The following SYT16 variants were observed in gnomAD, a reference collection of about 807,000 sequenced individuals.
The protein encoded by SYT16 is synaptotagmin-16.
SYT16 carries 42 observed loss-of-function variants against 61.4 expected under a neutral mutation model. The observed-to-expected ratio is 0.68, with a 90% confidence interval of 0.53 to 0.89. The LOEUF is 0.89. Among genes scored for constraint, SYT16 ranks in the 40% least tolerant of loss-of-function variants. The pLI is 0.00. For missense variants in SYT16, 804 were observed against 807.3 expected, an observed-to-expected ratio of 1.00 and a Z score of 0.05; for synonymous variants, 314 against 302.3, an observed-to-expected ratio of 1.04 and a Z score of -0.40.
intron 1 of SYT16, among the ~76,000 whole-genome samples, chr14:61,950,372 A>G (rs1051578228): frequency 6.6e-6 from 1 of 152,174 alleles, no homozygotes; most frequent in Non-Finnish European, 1.5e-5. Flanking sequence ...ATCAACACTC[A>G]TGCTTGCCAT....
intron 3 of SYT16, among the ~76,000 whole-genome samples, chr14:62,051,763 G>A (rs2055311744): frequency 6.6e-6 from 1 of 152,186 alleles, no homozygotes. Context: ...TTTTGGCTGG[G>A]CATGGTGGCT....
intron 1 of SYT16, among the ~76,000 whole-genome samples, chr14:61,875,947 G>C (rs1215432151): frequency 6.6e-6 from 1 of 152,208 alleles, no homozygotes; most frequent in Non-Finnish European, 1.5e-5. Flanking sequence ...TGTGGAAGGT[G>C]ACCACTGCCT....
rs551149441 is a variant in SYT16 at position 61,992,393 on chromosome 14, G to A, written c.-144-3483G>A. On this transcript the variant is annotated intron_variant, in intron 2 of 7. Transcript: ENST00000683842. ...TCTCATGGCGCGGCAGCATTATTGCGGACAGCTCAGACAGCTAGGTATTCA... is the reference window on the plus strand; with the variant it reads ...TCTCATGGCGCGGCAGCATTATTGCAGACAGCTCAGACAGCTAGGTATTCA... Among the ~76,000 whole-genome samples, 21 of 152,176 alleles carry A rather than the reference G, an allele frequency of 1.4e-4. 1 individual carries two copies. Among genetic ancestry groups the A allele is most frequent in the Admixed American group, 1.3e-3 (20 of 15,274 alleles).
At chr14:61,845,022 T>C (rs1190856647) in intron 1 of SYT16, among the ~76,000 whole-genome samples, 1 of 151,490 alleles carries the variant, frequency 6.6e-6, no homozygotes, top group Non-Finnish European at 1.5e-5. Flanking sequence ...AGTTGCAAGC[T>C]TTTCTTTACT....
intron 1 of SYT16, chr14:61,865,298 C>T: frequency 5.3e-6 from 4 of 751,898 alleles, no homozygotes; most frequent in Non-Finnish European, 9.5e-6. Context: ...ACACATCCCT[C>T]TGAACGCAGG....
intron 3 of SYT16, among the ~76,000 whole-genome samples, chr14:62,043,891 T>G (rs1167440262): frequency 1.3e-5 from 2 of 152,036 alleles, no homozygotes; most frequent in African/African-American, 4.8e-5. Context: ...GAGGCTAGTT[T>G]AGAACTCCTG....
At chr14:62,092,377 T>C (rs941900437) in intron 7 of SYT16, among the ~76,000 whole-genome samples, 1 of 152,042 alleles carries the variant, frequency 6.6e-6, no homozygotes, top group African/African-American at 2.4e-5. Context: ...AATCCATTTG[T>C]GGGTATGTAC....
At chr14:62,081,909 G>T (rs2056721672) in intron 6 of SYT16, among the ~76,000 whole-genome samples, 1 of 152,166 alleles carries the variant, frequency 6.6e-6, no homozygotes, top group Non-Finnish European at 1.5e-5. Flanking sequence ...GATTCAATCA[G>T]TCATTCATTC....
chr14:62,078,157 A>C (rs7151931), intron 5 of SYT16, among the ~76,000 whole-genome samples: 37,572 of 127,430 alleles, frequency 0.29, 4,753 homozygotes, highest in East Asian at 0.42. Flanking sequence ...CTCTCTCTCT[A>C]TATATATATA....
chr14:61,981,193 A>G (rs1299107834), intron 2 of SYT16, among the ~76,000 whole-genome samples: 1 of 152,172 alleles, frequency 6.6e-6, no homozygotes, highest in African/African-American at 2.4e-5. Flanking sequence ...GCCCACCTAC[A>G]TTATGGAGGG....
At chr14:61,963,026 A>ATTTC (rs1174576386) in intron 1 of SYT16, among the ~76,000 whole-genome samples, 7 of 152,242 alleles carry the variant, frequency 4.6e-5, no homozygotes. Flanking sequence ...TAGAACTGCA[A>ATTTC]TAGTGTCCAT....
chr14:61,987,045 G>A (rs1187890142), intron 2 of SYT16, among the ~76,000 whole-genome samples: 8 of 152,124 alleles, frequency 5.3e-5, no homozygotes. Context: ...ATTATAGTAA[G>A]TGTTAATAAG....
chr14:61,997,927 G>C (rs2052834831), intron 3 of SYT16, among the ~76,000 whole-genome samples: 1 of 151,984 alleles, frequency 6.6e-6, no homozygotes, highest in South Asian at 2.1e-4. Context: ...GAGCCTCCAG[G>C]AAGTCAGGGA....
chr14:61,919,801 A>AGT (rs61452187), intron 1 of SYT16, among the ~76,000 whole-genome samples: 1 of 125,062 alleles, frequency 8.0e-6, no homozygotes, highest in Non-Finnish European at 1.7e-5. Context: ...ACATATGAAG[A>AGT]AAAAGGGCAT....
At chr14:62,015,478 C>T (rs2053633988) in intron 3 of SYT16, among the ~76,000 whole-genome samples, 1 of 152,220 alleles carries the variant, frequency 6.6e-6, no homozygotes, top group South Asian at 2.1e-4. Flanking sequence ...AGACATTTGC[C>T]TTGACCTTCT....
chr14:61,963,660 A>T (rs143888940), intron 1 of SYT16, among the ~76,000 whole-genome samples: 3 of 152,330 alleles, frequency 2.0e-5, no homozygotes, highest in East Asian at 1.9e-4. Context: ...GCAGCAAGTT[A>T]TACAGATGGT....
At chr14:61,898,282 G>A (rs2048395427) in intron 1 of SYT16, among the ~76,000 whole-genome samples, 1 of 152,126 alleles carries the variant, frequency 6.6e-6, no homozygotes, top group Non-Finnish European at 1.5e-5. Flanking sequence ...TCGTCTTTGA[G>A]TAGATATAGA....
chr14:61,968,262 G>GA (rs1260078219), intron 1 of SYT16, among the ~76,000 whole-genome samples: 6 of 150,420 alleles, frequency 4.0e-5, no homozygotes, highest in African/African-American at 1.2e-4. Flanking sequence ...CTCTGTCTCA[G>GA]AAAAAAAAAT....
chr14:62,075,127 A>G lies in SYT16; in HGVS notation c.737-8A>G. 1 of 1,593,994 alleles carries G rather than the reference A, an allele frequency of 6.3e-7. No homozygotes were observed. The highest frequency in any genetic ancestry group is 1.1e-5 in the South Asian group (1 of 89,136). Reference sequence around the variant, plus strand: ...GCATTTGAAATGGTTTTCTTATTGCAAATTTAGATTTGGATGGAGCCAGCC... The same window carrying G: ...GCATTTGAAATGGTTTTCTTATTGCGAATTTAGATTTGGATGGAGCCAGCC... On this transcript the variant is annotated splice_region_variant and splice_polypyrimidine_tract_variant and intron_variant, in intron 4 of 7. Coordinates refer to ENST00000683842, the MANE Select transcript of SYT16 (RefSeq NM_001367656.1).
Sources: allele counts gnomAD v4.1 joint callset (sites outside exome capture counted in the v4.1 genomes callset), GRCh38; gene constraint gnomAD v4.1.1; transcripts MANE v1.5; gene names NCBI Gene and HGNC (gene_info 2026-07-23, HGNC 2026-07-21).